The following VWA3B variants were observed in gnomAD, a reference collection of about 807,000 sequenced individuals.
The protein encoded by VWA3B is von Willebrand factor A domain-containing protein 3B.
Under a neutral mutation model 158.3 loss-of-function variants are expected in VWA3B, and 138 were observed. That is an observed-to-expected ratio of 0.87 (90% confidence interval 0.76 to 1.00). The LOEUF (loss-of-function observed/expected upper bound fraction) is 1.00. Ranked by LOEUF, VWA3B falls within the 50% of genes least tolerant of loss-of-function variation. VWA3B has a pLI of 0.00. For missense variants in VWA3B, 1,555 were observed against 1,565.1 expected (o/e 0.99, Z 0.11); for synonymous variants, 596 against 587.3 (o/e 1.01, Z -0.21).
chr2:98,098,434 G>C (rs1487539763), intron 2 of VWA3B, among the ~76,000 whole-genome samples: 1 of 151,712 alleles, frequency 6.6e-6, no homozygotes, highest in South Asian at 2.1e-4. Flanking sequence ...ATACCCTCTT[G>C]ATGAATTGAC....
chr2:98,122,784 T>C (rs535514107), intron 5 of VWA3B, among the ~76,000 whole-genome samples: 1 of 152,218 alleles, frequency 6.6e-6, no homozygotes, highest in Non-Finnish European at 1.5e-5. Context: ...TTCGTGCCTC[T>C]CCTTTCTCCG....
In VWA3B at chr2:98,093,080, T is replaced by G. The variant is rs755154285; in HGVS notation, c.-13T>G. 1.5e-5 allele frequency: 24 copies of G among 1,611,914 alleles called. No homozygotes were observed. The South Asian group carries it at 2.4e-4, about 16-fold the overall frequency. On this transcript the variant is annotated 5_prime_UTR_variant, in exon 2 of 28. Transcript: ENST00000477737. ...TTACAGGAGTTTGCTGTGACTTAGA[T>G]CTTGATTCAGAGATGGAGAAATCAG... is the stretch of plus-strand genomic sequence containing the variant.
chr2:98,325,336 C>T, the VWA3B span, among the ~76,000 whole-genome samples: 1 of 152,192 alleles, frequency 6.6e-6, no homozygotes, highest in African/African-American at 2.4e-5. Context: ...GGCTTTTCAT[C>T]AGCACCTATA....
chr2:98,221,681 G>T (rs559994369), intron 14 of VWA3B, among the ~76,000 whole-genome samples: 11 of 152,294 alleles, frequency 7.2e-5, no homozygotes, highest in Admixed American at 3.9e-4. Flanking sequence ...TCTCCTACTA[G>T]AGTAATATCA....
chr2:98,163,603 G>A (rs1390114293), intron 8 of VWA3B, among the ~76,000 whole-genome samples: 2 of 152,104 alleles, frequency 1.3e-5, no homozygotes, highest in Non-Finnish European at 2.9e-5. Context: ...TGTATACTAA[G>A]GAAAACCAGA....
In VWA3B at chr2:98,298,441, T is replaced by TCTATTCTATG. The variant is rs1553439678; in HGVS notation, c.3282+414_3282+415insTCTATGCTAT. ...TCTATTCTATTCTATTCTATTCTATTCTATGCCATGCCATGCCATGCCATG... is the reference window on the plus strand; with the variant it reads ...TCTATTCTATTCTATTCTATTCTATTCTATTCTATGCTATGCCATGCCATGCCATGCCATG... On this transcript the variant is annotated intron_variant, in intron 24 of 27. Coordinates refer to ENST00000477737, the MANE Select transcript of VWA3B (RefSeq NM_144992.5). Among the ~76,000 whole-genome samples, 745 of 118,494 alleles carry TCTATTCTATG rather than the reference T, an allele frequency of 6.3e-3. 3 individuals are homozygous for TCTATTCTATG. The highest frequency in any genetic ancestry group is 0.01 in the Non-Finnish European group (548 of 52,560). The allele number at this position is 118,494 out of a possible 152,430, so 77.7% of individuals were successfully genotyped here.
intron 16 of VWA3B, among the ~76,000 whole-genome samples, chr2:98,231,527 A>G (rs975106137): frequency 8.5e-5 from 13 of 152,358 alleles, no homozygotes; most frequent in African/African-American, 2.9e-4. Flanking sequence ...TTCAACAAAG[A>G]TGCTGAAGCA....
chr2:98,140,896 C>T (rs1216270674), intron 7 of VWA3B, among the ~76,000 whole-genome samples: 4 of 152,202 alleles, frequency 2.6e-5, no homozygotes, highest in Non-Finnish European at 5.9e-5. Flanking sequence ...GCAGCATTTT[C>T]CCCATTCTTG....
chr2:98,287,021 A>C (rs970161198), intron 22 of VWA3B, among the ~76,000 whole-genome samples: 1 of 152,204 alleles, frequency 6.6e-6, no homozygotes, highest in Admixed American at 6.5e-5. Flanking sequence ...AGACAGGAAG[A>C]TTTAGCCTCC....
chr2:98,243,939 C>G, intron 19 of VWA3B, among the ~76,000 whole-genome samples: 1 of 152,166 alleles, frequency 6.6e-6, no homozygotes, highest in East Asian at 1.9e-4. Flanking sequence ...ACTGGAAGAA[C>G]TGATTTAGTT....
intron 7 of VWA3B, among the ~76,000 whole-genome samples, chr2:98,159,769 C>A (rs1219369223): frequency 6.6e-6 from 1 of 151,754 alleles, no homozygotes; most frequent in Non-Finnish European, 1.5e-5. Context: ...GTAATCTCAG[C>A]ACTTTGGGAG....
chr2:98,230,284 A>G (rs1162979761), intron 16 of VWA3B, 77 bp downstream of exon 16: 1 of 1,355,824 alleles, frequency 7.4e-7, no homozygotes, highest in South Asian at 2.3e-5. Flanking sequence ...CTAAACCCAC[A>G]TAATATTTTT....
intron 22 of VWA3B, among the ~76,000 whole-genome samples, chr2:98,289,269 T>C (rs954579303): frequency 2.6e-5 from 4 of 152,220 alleles, no homozygotes; most frequent in Non-Finnish European, 5.9e-5. Context: ...AGTCCTCTTT[T>C]TTCCTGGGAG....
intron 20 of VWA3B, among the ~76,000 whole-genome samples, chr2:98,253,275 A>G (rs1036300886): frequency 9.2e-5 from 14 of 152,168 alleles, no homozygotes; most frequent in African/African-American, 3.1e-4. Context: ...GATAAGCGAG[A>G]TGTAACTTTA....
At chr2:98,194,645 CG>C (rs1191223770) in intron 12 of VWA3B, among the ~76,000 whole-genome samples, 153 bp downstream of exon 12, 14 of 152,108 alleles carry the variant, frequency 9.2e-5, no homozygotes, top group African/African-American at 3.4e-4. Context: ...GCAGTGGTCA[CG>C]TTAATCCAAT....
At chr2:98,113,757 A>T (rs986862902) in intron 2 of VWA3B, among the ~76,000 whole-genome samples, 1 of 152,200 alleles carries the variant, frequency 6.6e-6, no homozygotes, top group Non-Finnish European at 1.5e-5. Flanking sequence ...AATAGAATTT[A>T]TAATATGGGG....
At chr2:98,196,607 C>G (rs964403946) in intron 12 of VWA3B, among the ~76,000 whole-genome samples, 1 of 152,070 alleles carries the variant, frequency 6.6e-6, no homozygotes, top group Admixed American at 6.6e-5. Context: ...AGTAGTTGAG[C>G]GGGGGAGATG....
intron 3 of VWA3B, among the ~76,000 whole-genome samples, chr2:98,118,591 AAG>A (rs1674707926): frequency 6.6e-6 from 1 of 152,146 alleles, no homozygotes; most frequent in Non-Finnish European, 1.5e-5. Flanking sequence ...ACAGGAGGTA[AAG>A]AAATAGCCAA....
chr2:98,185,157 A>G (rs772040842), intron 9 of VWA3B, among the ~76,000 whole-genome samples: 10 of 152,070 alleles, frequency 6.6e-5, no homozygotes, highest in Non-Finnish European at 1.0e-4. Flanking sequence ...TCAGTTCCAA[A>G]CTGTCTGACC....
Sources: gnomAD v4.1 joint callset for allele counts (sites outside exome capture counted in the v4.1 genomes callset) on GRCh38, gnomAD v4.1.1 for gene constraint, MANE v1.5 for transcripts, NCBI Gene and HGNC (gene_info 2026-07-23, HGNC 2026-07-21) for gene names.